The following SPIDR variants were observed in gnomAD, a reference collection of about 807,000 sequenced individuals.
SPIDR encodes scaffold protein involved in DNA repair, also known as DNA repair-scaffolding protein.
Under a neutral mutation model 104.6 loss-of-function variants are expected in SPIDR, and 93 were observed. The ratio of observed to expected loss-of-function variants is 0.89; its 90% CI spans 0.75 to 1.06. The LOEUF (loss-of-function observed/expected upper bound fraction) is 1.06, where lower values mean the gene tolerates loss of function less well. Ranked by LOEUF, SPIDR falls within the 50% of genes least tolerant of loss-of-function variation. SPIDR has a pLI of 0.00. For synonymous variants in SPIDR, 431 were observed against 416.9 expected, an observed-to-expected ratio of 1.03 and a Z score of -0.41; for missense variants, 1,154 against 1,111.2, an observed-to-expected ratio of 1.04 and a Z score of -0.55.
chr8:47,575,362 G>A (rs950604896), intron 8 of SPIDR, among the ~76,000 whole-genome samples: 14 of 152,136 alleles, frequency 9.2e-5, no homozygotes, highest in Admixed American at 2.0e-4. Flanking sequence ...GAAAAAAGCT[G>A]GCCGGGCGCG....
chr8:47,518,332 T>C (rs2154379264), intron 8 of SPIDR, among the ~76,000 whole-genome samples: 1 of 152,386 alleles, frequency 6.6e-6, no homozygotes, highest in East Asian at 1.9e-4. Context: ...TTTAATTGGC[T>C]ACAACATTCT....
At chr8:47,568,975 G>A (rs547571818) in intron 8 of SPIDR, among the ~76,000 whole-genome samples, 2 of 152,236 alleles carry the variant, frequency 1.3e-5, no homozygotes, top group South Asian at 4.1e-4. Flanking sequence ...AAAAGATAGA[G>A]ATTAGAAGAT....
chr8:47,498,172 C>CCT (rs373872907), intron 8 of SPIDR, among the ~76,000 whole-genome samples: 1 of 151,814 alleles, frequency 6.6e-6, no homozygotes, highest in Non-Finnish European at 1.5e-5. Flanking sequence ...ACAGATGATG[C>CCT]CTCTCTCTCT....
At chr8:47,495,507 GA>G (rs1564138033) in intron 8 of SPIDR, among the ~76,000 whole-genome samples, 1 of 151,836 alleles carries the variant, frequency 6.6e-6, no homozygotes, top group African/African-American at 2.4e-5. Context: ...TCATTACCCC[GA>G]ATAGAAACCC....
chr8:47,379,845 C>T (rs962119469), intron 5 of SPIDR, among the ~76,000 whole-genome samples: 3 of 152,176 alleles, frequency 2.0e-5, no homozygotes, highest in African/African-American at 7.2e-5. Flanking sequence ...GGAGCACCCC[C>T]TGGGCCCACA....
intron 10 of SPIDR, among the ~76,000 whole-genome samples, chr8:47,606,482 C>T (rs1249195590): frequency 6.6e-6 from 1 of 151,994 alleles, no homozygotes; most frequent in Non-Finnish European, 1.5e-5. Context: ...GCCGAGATCG[C>T]ACCACTGCAC....
intron 6 of SPIDR, among the ~76,000 whole-genome samples, chr8:47,399,193 C>T (rs931924665): frequency 2.2e-4 from 33 of 152,296 alleles, no homozygotes; most frequent in African/African-American, 7.9e-4. Flanking sequence ...AAACAGGAAA[C>T]TGCTGAGGCA....
At chr8:47,323,842 C>T (rs1473908728) in intron 5 of SPIDR, among the ~76,000 whole-genome samples, 1 of 152,184 alleles carries the variant, frequency 6.6e-6, no homozygotes, top group Non-Finnish European at 1.5e-5. Context: ...AACCCATGGA[C>T]ACCTTTATTT....
chr8:47,592,418 A>T (rs1298426032), intron 8 of SPIDR: 1 of 1,432,006 alleles, frequency 7.0e-7, no homozygotes, highest in African/African-American at 1.4e-5. Context: ...GCTGCCATTG[A>T]GTATTCTTCT....
chr8:47,583,305 C>CA (rs34756645), intron 8 of SPIDR, among the ~76,000 whole-genome samples: 77,063 of 110,882 alleles, frequency 0.69, 25,668 homozygotes, highest in East Asian at 0.81. Flanking sequence ...GACTCCATCT[C>CA]AAAAAAAAAA....
chr8:47,400,678 T>TTTC (rs1491230673), intron 6 of SPIDR, among the ~76,000 whole-genome samples: 1 of 33,230 alleles, frequency 3.0e-5, no homozygotes, highest in East Asian at 5.1e-3. Context: ...TCTTTCTTTC[T>TTTC]TTTTTTTTTT....
intron 19 of SPIDR, 159 bp downstream of exon 19, chr8:47,729,624 C>A: frequency 5.5e-6 from 4 of 731,466 alleles, no homozygotes; most frequent in Non-Finnish European, 8.7e-6. Flanking sequence ...ATATGTCTGC[C>A]ATTCAGACTG....
intron 11 of SPIDR, among the ~76,000 whole-genome samples, chr8:47,690,004 A>T (rs1214742969): frequency 6.6e-6 from 1 of 152,206 alleles, no homozygotes; most frequent in East Asian, 1.9e-4. Flanking sequence ...GATGAATTGT[A>T]AGGAGACAAG....
At chr8:47,674,076 A>G in intron 11 of SPIDR, 135 bp downstream of exon 11, 1 of 1,115,094 alleles carries the variant, frequency 9.0e-7, no homozygotes, top group African/African-American at 1.6e-5. Flanking sequence ...AAACAAGGCC[A>G]GGAGTTGAGT....
intron 5 of SPIDR, 87 bp downstream of exon 5, chr8:47,294,117 T>C (rs1289089524): frequency 6.1e-6 from 9 of 1,484,362 alleles, no homozygotes; most frequent in Non-Finnish European, 8.1e-6. Flanking sequence ...TTTTTTTTCC[T>C]GTCCTTCCTC....
intron 10 of SPIDR, among the ~76,000 whole-genome samples, chr8:47,665,851 T>C (rs1247589332): frequency 6.6e-6 from 1 of 152,250 alleles, no homozygotes; most frequent in Admixed American, 6.5e-5. Context: ...AAAATATTGC[T>C]AACATTTTGT....
intron 11 of SPIDR, among the ~76,000 whole-genome samples, chr8:47,694,461 G>T (rs2079066332): frequency 6.6e-6 from 1 of 151,926 alleles, no homozygotes; most frequent in African/African-American, 2.4e-5. Flanking sequence ...GGGGAGGAAA[G>T]AAAAAAATAA....
At chr8:47,322,803 G>C (rs1412864479) in intron 5 of SPIDR, among the ~76,000 whole-genome samples, 2 of 152,064 alleles carry the variant, frequency 1.3e-5, no homozygotes, top group South Asian at 2.1e-4. Context: ...ATGGATGAAG[G>C]TGGAAACCAT....
At chr8:47,564,836 A>T (rs1292337234) in intron 8 of SPIDR, among the ~76,000 whole-genome samples, 1 of 152,226 alleles carries the variant, frequency 6.6e-6, no homozygotes, top group Non-Finnish European at 1.5e-5. Flanking sequence ...AAACCTACTA[A>T]AAATATTTCC....
Sources: gnomAD v4.1 joint callset for allele counts (sites outside exome capture counted in the v4.1 genomes callset) on GRCh38, gnomAD v4.1.1 for gene constraint, MANE v1.5 for transcripts, NCBI Gene and HGNC (gene_info 2026-07-23, HGNC 2026-07-21) for gene names.